The following MCTP2 variants were observed in gnomAD, a reference collection of about 807,000 sequenced individuals.
MCTP2 encodes multiple C2 and transmembrane domain containing 2.
MCTP2 carries 132 observed loss-of-function variants against 111.6 expected under a neutral mutation model. The ratio of observed to expected loss-of-function variants is 1.18; its 90% confidence interval spans 1.03 to 1.37. The LOEUF (loss-of-function observed/expected upper bound fraction) is 1.37, where lower values mean the gene tolerates loss of function less well. Among genes scored for constraint, MCTP2 ranks in the 40% most tolerant of loss-of-function variants. The probability of loss-of-function intolerance (pLI) is 0.00; values close to 1 mark genes in which losing one functional copy is unlikely to be tolerated. For synonymous variants in MCTP2, 395 were observed against 387.7 expected (o/e 1.02, Z -0.22); for missense variants, 1,183 against 1,067.9 (o/e 1.11, Z -1.50).
chr15:94,272,334 G>T (rs535462763), intron 1 of MCTP2, among the ~76,000 whole-genome samples: 1 of 152,038 alleles, frequency 6.6e-6, no homozygotes, highest in Non-Finnish European at 1.5e-5. Flanking sequence ...GAGATGAGGG[G>T]TAGCAGTCCA....
intron 1 of MCTP2, among the ~76,000 whole-genome samples, chr15:94,247,921 G>T (rs1480584773): frequency 6.6e-6 from 1 of 152,170 alleles, no homozygotes; most frequent in East Asian, 1.9e-4. Flanking sequence ...TAATGTGCCA[G>T]GTATTGATGT....
At chr15:94,379,402 T>A (rs28656151) in intron 12 of MCTP2, among the ~76,000 whole-genome samples, 10,978 of 152,046 alleles carry the variant, frequency 0.072, 580 homozygotes, top group African/African-American at 0.14. Context: ...AAAATAGAGT[T>A]TTAGAAATTT....
chr15:94,299,700 G>A lies in MCTP2; in HGVS notation c.465+970G>A, dbSNP rs1049175834. On this transcript the variant is annotated intron_variant, in intron 2 of 22. Transcript: ENST00000357742. Reference sequence around the variant, plus strand: ...AGTAGGTTTCCATGTTGAAGTAAGGGGTTAATTTTTCTGTGTTCCAGGTTA... The same window carrying A: ...AGTAGGTTTCCATGTTGAAGTAAGGAGTTAATTTTTCTGTGTTCCAGGTTA... 2.0e-5 allele frequency among the ~76,000 whole-genome samples: 3 copies of A among 152,130 alleles called. No individual in the cohort carries two copies. In the South Asian group the frequency reaches 6.2e-4, roughly 32 times the overall value.
chr15:94,417,453 G>C (rs1037656122), intron 17 of MCTP2, among the ~76,000 whole-genome samples: 9 of 152,052 alleles, frequency 5.9e-5, no homozygotes, highest in African/African-American at 1.9e-4. Context: ...TAGTTGCTGG[G>C]TTTTGATTTG....
chr15:94,243,734 T>C (rs1215152059), intron 1 of MCTP2, among the ~76,000 whole-genome samples: 1 of 138,822 alleles, frequency 7.2e-6, no homozygotes, highest in Non-Finnish European at 1.5e-5. Context: ...TACATATGTG[T>C]ATACATATAT....
intron 1 of MCTP2, among the ~76,000 whole-genome samples, chr15:94,251,004 T>G (rs1293337061): frequency 6.6e-6 from 1 of 152,230 alleles, no homozygotes; most frequent in Non-Finnish European, 1.5e-5. Flanking sequence ...GGAAGATGAT[T>G]AGATAAGAGT....
rs773185333 is a variant in MCTP2 at position 94,358,532 on chromosome 15, C to T, written c.1221C>T (p.His407=). 4 of 1,613,774 alleles carry T rather than the reference C, an allele frequency of 2.5e-6. No individual in the cohort carries two copies. In the South Asian group the frequency reaches 4.4e-5, roughly 18 times the overall value. The part of the protein sequence containing the change: ...NPQWQEQFDF[H]YFSDRMGILD... Reference sequence around the variant, plus strand: ...AGTGGCAGGAACAGTTTGACTTTCACTACTTCTCTGACAGGATGGGCATTT... The same window carrying T: ...AGTGGCAGGAACAGTTTGACTTTCATTACTTCTCTGACAGGATGGGCATTT... The change falls in exon 10 of 23, where the codon CAC becomes CAT. Residue 407 remains histidine (H), a synonymous_variant. Coordinates refer to ENST00000357742, the MANE Select transcript of MCTP2 (RefSeq NM_001385001.1).
At chr15:94,435,898 T>C (rs1312401839) in intron 17 of MCTP2, among the ~76,000 whole-genome samples, 8 of 152,072 alleles carry the variant, frequency 5.3e-5, no homozygotes. Context: ...CCCAAAGTGC[T>C]GGGATTACAG....
intron 1 of MCTP2, among the ~76,000 whole-genome samples, chr15:94,272,691 T>G (rs1167310500): frequency 6.6e-6 from 1 of 151,676 alleles, no homozygotes; most frequent in Non-Finnish European, 1.5e-5. Flanking sequence ...TCCTTTGGCT[T>G]TTCGGTTTTG....
intron 5 of MCTP2, among the ~76,000 whole-genome samples, chr15:94,339,933 G>T (rs534129724): frequency 6.6e-6 from 1 of 152,316 alleles, no homozygotes; most frequent in African/African-American, 2.4e-5. Flanking sequence ...ATGGTCCATT[G>T]TGCATAACAT....
chr15:94,376,637 G>T (rs1256925409), intron 12 of MCTP2, among the ~76,000 whole-genome samples: 4 of 152,146 alleles, frequency 2.6e-5, no homozygotes, highest in Non-Finnish European at 5.9e-5. Flanking sequence ...GAACTGTATA[G>T]GTTGTTTTGT....
chr15:94,462,030 A>G (rs183901672), intron 20 of MCTP2, among the ~76,000 whole-genome samples: 3 of 152,352 alleles, frequency 2.0e-5, no homozygotes, highest in South Asian at 2.1e-4. Context: ...ACAGGACAAA[A>G]TAAGAACCTA....
intron 1 of MCTP2, among the ~76,000 whole-genome samples, chr15:94,255,633 A>G (rs2072715110): frequency 6.6e-6 from 1 of 152,148 alleles, no homozygotes; most frequent in South Asian, 2.1e-4. Context: ...GATATTTGGT[A>G]GGAGAGAGTG....
chr15:94,300,353 C>CA (rs2075544428), intron 2 of MCTP2, among the ~76,000 whole-genome samples: 2 of 151,528 alleles, frequency 1.3e-5, no homozygotes, highest in African/African-American at 2.4e-5. Context: ...ACTAAAAATA[C>CA]AAAAAAATTA....
At chr15:94,236,089 C>T (rs544283536) in intron 1 of MCTP2, among the ~76,000 whole-genome samples, 20 of 152,242 alleles carry the variant, frequency 1.3e-4, no homozygotes, top group African/African-American at 2.4e-4. Context: ...TTTCCCATAG[C>T]GTCATGATTA....
Position 94,446,654 on chromosome 15 carries a change from G to A in MCTP2, c.2250+3694G>A, listed in dbSNP as rs112753508. 6.3e-3 allele frequency among the ~76,000 whole-genome samples: 966 copies of A among 152,204 alleles called. 10 individuals are homozygous for A. Among genetic ancestry groups the A allele is most frequent in the African/African-American group, 0.022 (919 of 41,538 alleles). On this transcript the variant is annotated intron_variant, in intron 19 of 22. Transcript: ENST00000357742. The stretch of plus-strand genomic sequence containing the variant: ...ACAATCACTTACATAGAATATTTCA[G>A]CATTTTCTATTAACATCAGGAAGAA...
At chr15:94,420,201 T>G (rs1263569616) in intron 17 of MCTP2, among the ~76,000 whole-genome samples, 1 of 152,162 alleles carries the variant, frequency 6.6e-6, no homozygotes, top group Non-Finnish European at 1.5e-5. Context: ...TGAGATCTAC[T>G]TCTCAGAAAA....
intron 20 of MCTP2, among the ~76,000 whole-genome samples, chr15:94,459,346 C>T (rs561430782): frequency 5.9e-5 from 9 of 152,188 alleles, no homozygotes; most frequent in Non-Finnish European, 1.2e-4. Context: ...ATATTAACAT[C>T]AGGAAATATA....
rs761037327 is a variant in MCTP2, at chr15:94,387,038, G to A, written c.1788+1513G>A. ...AGGCTTTCCCAAAACATTCTACCTCGTATTTTGAAGGATCTGGTTTGTGAA... is the reference window on the plus strand; with the variant it reads ...AGGCTTTCCCAAAACATTCTACCTCATATTTTGAAGGATCTGGTTTGTGAA... On this transcript the variant is annotated intron_variant, in intron 14 of 22. Transcript: ENST00000357742. 3.3e-5 allele frequency among the ~76,000 whole-genome samples: 5 copies of A among 151,986 alleles called. No homozygotes were observed. In the East Asian group the frequency reaches 5.8e-4, roughly 18 times the overall value.
Sources: allele counts gnomAD v4.1 joint callset (sites outside exome capture counted in the v4.1 genomes callset), GRCh38; gene constraint gnomAD v4.1.1; transcripts MANE v1.5; gene names NCBI Gene and HGNC (gene_info 2026-07-23, HGNC 2026-07-21).